The following AXDND1 variants were observed in gnomAD, a reference collection of about 807,000 sequenced individuals.
The protein encoded by AXDND1 is axonemal dynein light chain domain containing 1, also known as axonemal dynein light chain domain-containing protein 1.
Under a neutral mutation model 137.5 loss-of-function variants are expected in AXDND1, and 110 were observed. The observed-to-expected ratio is 0.80, with a 90% confidence interval of 0.69 to 0.94. AXDND1 has a LOEUF of 0.94. Among genes scored for constraint, AXDND1 ranks in the 40% least tolerant of loss-of-function variants. The pLI is 0.00. For missense variants in AXDND1, 1,191 were observed against 1,169.8 expected, an observed-to-expected ratio of 1.02 and a Z score of -0.26; for synonymous variants, 414 against 399.7, an observed-to-expected ratio of 1.04 and a Z score of -0.43.
Position 179,411,167 on chromosome 1 carries a change from CTT to C in AXDND1, c.1132_1133del (p.Leu378IlefsTer11), listed in dbSNP as rs745499181. On this transcript the variant is annotated frameshift_variant, in exon 12 of 26. Transcript: ENST00000367618. LOFTEE classifies it high-confidence loss of function. ...ATAGAATAGTAGAAGAATATCATGACTTATATACATTACAAAGAGAAAGGATG... is the reference window on the plus strand; with the variant it reads ...ATAGAATAGTAGAAGAATATCATGACATATACATTACAAAGAGAAAGGATG... ...NAKIVEEYHD[L>X]YTLQRERMEN... 3.1e-6 allele frequency: 5 copies of C among 1,603,288 alleles called. No homozygotes were observed. Among genetic ancestry groups the C allele is most frequent in the East Asian group, 2.2e-5 (1 of 44,554 alleles).
In AXDND1 at chr1:179,388,976, CT is replaced by C. The variant is rs11373996; in HGVS notation, c.863+3634del. Among the ~76,000 whole-genome samples the C allele has an allele frequency of 1.3e-3, 143 of 112,510 alleles. 1 individual carries two copies. Among genetic ancestry groups the C allele is most frequent in the African/African-American group, 3.7e-3 (106 of 28,694 alleles). 73.8% of individuals were successfully genotyped at this position (112,510 alleles called of 152,430 possible). On this transcript the variant is annotated intron_variant, in intron 9 of 25. Coordinates refer to ENST00000367618, the MANE Select transcript of AXDND1 (RefSeq NM_144696.6). ...TTTATTGCTTATTCATTTTTAGATT[CT>C]TTTTTTTTTTTTTTTTGAGATGGAG...
At chr1:179,371,921 C>G (rs182793741) in intron 4 of AXDND1, among the ~76,000 whole-genome samples, 30 of 152,296 alleles carry the variant, frequency 2.0e-4, no homozygotes, top group Middle Eastern at 3.4e-3. Context: ...CTGTTAACAA[C>G]CCAAATGAGC....
chr1:179,447,745 A>G (rs1181528829), intron 16 of AXDND1: 5 of 1,342,004 alleles, frequency 3.7e-6, no homozygotes, highest in South Asian at 1.2e-5. Flanking sequence ...AGTAGCTCCA[A>G]TCAAATTTGG....
At chr1:179,419,308 C>T (rs1213303194) in intron 12 of AXDND1, among the ~76,000 whole-genome samples, 4 of 152,014 alleles carry the variant, frequency 2.6e-5, no homozygotes, top group African/African-American at 9.7e-5. Flanking sequence ...CGCCACTGCA[C>T]TCCAGCCTGG....
At chr1:179,399,472 A>G (rs1651597680) in intron 11 of AXDND1, among the ~76,000 whole-genome samples, 1 of 149,204 alleles carries the variant, frequency 6.7e-6, no homozygotes, top group African/African-American at 2.5e-5. Context: ...AACTATAAAA[A>G]TTCTAGACAT....
chr1:179,484,562 T>G (rs1665804835), intron 18 of AXDND1, among the ~76,000 whole-genome samples: 1 of 152,114 alleles, frequency 6.6e-6, no homozygotes, highest in Non-Finnish European at 1.5e-5. Context: ...TGGCAGACCA[T>G]GCCTGACCAT....
In AXDND1 at chr1:179,395,233, T is replaced by C. The variant is rs201924650; in HGVS notation, c.1109+31T>C. ...TTGCTTAAAGTTTGTTTAGCTTACA[T>C]AGGGGAAAAGGAAGAAGCTTATATA... On this transcript the variant is annotated intron_variant, in intron 11 of 25. Transcript: ENST00000367618. 90 of 1,567,538 alleles carry C rather than the reference T, an allele frequency of 5.7e-5. No individual in the cohort carries two copies. In the East Asian group the frequency reaches 1.9e-3, roughly 34 times the overall value.
At chr1:179,450,006 T>C (rs1416194073) in intron 16 of AXDND1, 4 of 137,392 alleles carry the variant, frequency 2.9e-5, no homozygotes, top group Non-Finnish European at 4.7e-5. Flanking sequence ...TTTTTTTTTT[T>C]TTTTTTTTTT....
chr1:179,369,474 A>C (rs888996108), intron 3 of AXDND1, among the ~76,000 whole-genome samples: 1 of 152,120 alleles, frequency 6.6e-6, no homozygotes, highest in African/African-American at 2.4e-5. Flanking sequence ...CAACATCATG[A>C]AACCCTGTCT....
intron 25 of AXDND1, chr1:179,552,804 G>C: frequency 1.3e-6 from 1 of 751,798 alleles, no homozygotes; most frequent in Non-Finnish European, 2.4e-6. Context: ...GGAGTGACCA[G>C]AGTGTGCCAT....
Position 179,510,100 on chromosome 1 carries a change from T to G in AXDND1, c.2496+697T>G, listed in dbSNP as rs539459763. ...TGTCCTGGTTTTTCTCCTACTTCTT[T>G]ATTTCACCCTTGTTTTAGAGTTTCA... On this transcript the variant is annotated intron_variant, in intron 21 of 25. Coordinates refer to ENST00000367618, the MANE Select transcript of AXDND1 (RefSeq NM_144696.6). Among the ~76,000 whole-genome samples, 25 of 152,344 alleles carry G rather than the reference T, an allele frequency of 1.6e-4. No homozygotes were observed. The South Asian group carries it at 5.2e-3, about 32-fold the overall frequency.
intron 7 of AXDND1, 50 bp from the exon 8 acceptor site, chr1:179,383,392 A>G (rs777222589): frequency 4.4e-6 from 6 of 1,370,874 alleles, no homozygotes; most frequent in Non-Finnish European, 5.2e-6. Context: ...CCATTTGAGA[A>G]TTCCCTGTTG....
chr1:179,379,961 A>G lies in AXDND1; in HGVS notation c.581+479A>G, dbSNP rs1436383408. Among the ~76,000 whole-genome samples the G allele has an allele frequency of 2.6e-5, 4 of 152,256 alleles. No homozygotes were observed. The East Asian group carries it at 7.7e-4, about 29-fold the overall frequency. On this transcript the variant is annotated intron_variant, in intron 6 of 25. Transcript: ENST00000367618. Reference sequence around the variant, plus strand: ...CCATCCTAATACAATTAAGAAAGATACAAATTGGCAGGGCGCGGTGGCTCA... The same window carrying G: ...CCATCCTAATACAATTAAGAAAGATGCAAATTGGCAGGGCGCGGTGGCTCA...
rs558692901 is a variant in AXDND1 at position 179,486,611 on chromosome 1, A to G, written c.2091+3390A>G. Among the ~76,000 whole-genome samples the G allele has an allele frequency of 7.4e-5, 11 of 149,104 alleles. 2 individuals are homozygous for G. Among genetic ancestry groups the G allele is most frequent in the African/African-American group, 2.8e-4 (11 of 39,378 alleles). ...GCAGGTCACCTGCAAAGCAAACTCC[A>G]TAAGGCTAACAGCAGACATGTCAGC... On this transcript the variant is annotated intron_variant, in intron 18 of 25. Coordinates refer to ENST00000367618, the MANE Select transcript of AXDND1 (RefSeq NM_144696.6).
At position 179,493,095 on chromosome 1, in the gene AXDND1, C is replaced by A. The variant is rs1453914304; in HGVS notation, c.2388+144C>A. On this transcript the variant is annotated intron_variant, in intron 20 of 25. Transcript: ENST00000367618. ...TAAAATATGCATATACTCATAAAAA[C>A]AATTAATAAAAATGAAAAATAGGGA... 6 of 531,912 alleles carry A rather than the reference C, an allele frequency of 1.1e-5. No homozygotes were observed. In the Admixed American group the frequency reaches 1.1e-4, roughly 10 times the overall value. The allele number at this position is 531,912 out of a possible 1,614,324, so 32.9% of individuals were successfully genotyped here.
chr1:179,488,742 C>CT lies in AXDND1; in HGVS notation c.2092-2786dup, dbSNP rs1428713108. 8.4e-5 allele frequency among the ~76,000 whole-genome samples: 9 copies of CT among 106,576 alleles called. 2 individuals are homozygous for CT. Among genetic ancestry groups the CT allele is most frequent in the South Asian group, 2.9e-4 (1 of 3,470 alleles). The allele number at this position is 106,576 out of a possible 152,430, so 69.9% of individuals were successfully genotyped here. On this transcript the variant is annotated intron_variant, in intron 18 of 25. Transcript: ENST00000367618. ...TCTCTTTCTTTCTCTCTCTCTCTTT[C>CT]TTTTTTTTTTGAAATGGAGTCTCGC...
chr1:179,484,060 C>G lies in AXDND1; in HGVS notation c.2091+839C>G, dbSNP rs549126775. Reference sequence around the variant, plus strand: ...GCTAAAGGAGGAGGAAGCTGGAAACCCTGCACAGGGATACCACACACTGGG... The same window carrying G: ...GCTAAAGGAGGAGGAAGCTGGAAACGCTGCACAGGGATACCACACACTGGG... On this transcript the variant is annotated intron_variant, in intron 18 of 25. Coordinates refer to ENST00000367618, the MANE Select transcript of AXDND1 (RefSeq NM_144696.6). 4.9e-4 allele frequency among the ~76,000 whole-genome samples: 74 copies of G among 152,200 alleles called. 1 individual carries two copies. The highest frequency in any genetic ancestry group is 1.8e-3 in the African/African-American group (73 of 41,530).
At chr1:179,507,067 T>C in intron 20 of AXDND1, 1 of 208,028 alleles carries the variant, frequency 4.8e-6, no homozygotes, top group Non-Finnish European at 8.4e-6. Flanking sequence ...CCTGCTACAA[T>C]AGGCTTAACA....
At chr1:179,477,512 C>T (rs1027443221) in intron 17 of AXDND1, among the ~76,000 whole-genome samples, 3 of 152,080 alleles carry the variant, frequency 2.0e-5, no homozygotes, top group Non-Finnish European at 4.4e-5. Flanking sequence ...CCTTATGAAA[C>T]CATCAGATCT....
Sources: gnomAD v4.1 joint callset for allele counts (sites outside exome capture counted in the v4.1 genomes callset) on GRCh38, gnomAD v4.1.1 for gene constraint, MANE v1.5 for transcripts, NCBI Gene and HGNC (gene_info 2026-07-23, HGNC 2026-07-21) for gene names.